Variants in IBSP observed in about 807,000 individuals in gnomAD.
IBSP encodes integrin-binding sialoprotein.
A neutral mutation model predicts 25.5 loss-of-function variants in IBSP; 19 were observed. The ratio of observed to expected loss-of-function variants is 0.74; its 90% CI spans 0.52 to 1.09. The LOEUF (loss-of-function observed/expected upper bound fraction) is 1.09. Among genes scored for constraint, IBSP ranks in the 50% least tolerant of loss-of-function variants. The pLI, the probability that IBSP is intolerant of heterozygous loss-of-function variation, is 0.00. For synonymous variants in IBSP, 144 were observed against 137.6 expected (o/e 1.05, Z -0.33); for missense variants, 360 against 382.3 (o/e 0.94, Z 0.49).
At position 87,811,852 on chromosome 4, in the gene IBSP, A is replaced by G. The variant is rs932059905; in HGVS notation, c.896A>G (p.Tyr299Cys). Reference sequence around the variant, plus strand: ...CGAGCCTATGAAGATGAGTACAGCTACTTTAAAGGACAAGGCTACGATGGC... The same window carrying G: ...CGAGCCTATGAAGATGAGTACAGCTGCTTTAAAGGACAAGGCTACGATGGC... ...NYRAYEDEYS[Y>C]FKGQGYDGYD... is the part of the protein sequence containing the mutation. The change falls in exon 7 of 7, where the codon TAC becomes TGC. Residue 299 changes from tyrosine to cysteine, a missense_variant. By Grantham distance (194) the Tyr-to-Cys change is radical. Transcript: ENST00000226284. 1.3e-6 allele frequency: 2 copies of G among 1,582,462 alleles called. No individual in the cohort carries two copies. Among genetic ancestry groups the G allele is most frequent in the East Asian group, 2.2e-5 (1 of 44,638 alleles).
intron 4 of IBSP, among the ~76,000 whole-genome samples, chr4:87,804,194 T>A (rs1019074732): frequency 1.3e-5 from 2 of 152,194 alleles, no homozygotes; most frequent in Non-Finnish European, 2.9e-5. Context: ...TCCTACTGTC[T>A]GACCTAGTAT....
At chr4:87,802,633 T>A in intron 3 of IBSP, 21 bp from the exon 4 acceptor site, 2 of 1,566,638 alleles carry the variant, frequency 1.3e-6, no homozygotes, top group Non-Finnish European at 1.7e-6. Flanking sequence ...CATGAATATA[T>A]CATTTATTTT....
At chr4:87,803,472 G>A (rs186980147) in intron 4 of IBSP, among the ~76,000 whole-genome samples, 5 of 152,264 alleles carry the variant, frequency 3.3e-5, no homozygotes, top group Admixed American at 1.3e-4. Flanking sequence ...AGGGTGTGGT[G>A]TTGATTTTAA....
intron 4 of IBSP, 88 bp from the exon 5 acceptor site, chr4:87,806,034 T>C: frequency 3.1e-6 from 3 of 982,280 alleles, no homozygotes; most frequent in Admixed American, 4.2e-5. Flanking sequence ...GTGTATTTTA[T>C]TGTGATTCAA....
chr4:87,804,597 T>C (rs1392373124), intron 4 of IBSP, among the ~76,000 whole-genome samples: 1 of 152,180 alleles, frequency 6.6e-6, no homozygotes, highest in Non-Finnish European at 1.5e-5. Context: ...ATCTCAGCTA[T>C]GACAAGAGTT....
At chr4:87,803,308 G>A (rs1415676624) in intron 4 of IBSP, among the ~76,000 whole-genome samples, 1 of 152,004 alleles carries the variant, frequency 6.6e-6, no homozygotes, top group African/African-American at 2.4e-5. Flanking sequence ...TAAAACTGCA[G>A]AGGAAAAAGA....
At chr4:87,801,000 G>A (rs1722005477) in intron 1 of IBSP, among the ~76,000 whole-genome samples, 1 of 152,086 alleles carries the variant, frequency 6.6e-6, no homozygotes, top group Non-Finnish European at 1.5e-5. Flanking sequence ...TTTCAGCTAA[G>A]CTTGCCCAAC....
rs1722167318 is a variant in IBSP, at chr4:87,811,365, G to A, written c.409G>A (p.Gly137Arg). 3.7e-6 allele frequency: 6 copies of A among 1,603,196 alleles called. No homozygotes were observed. In the East Asian group the frequency reaches 1.3e-4, roughly 36 times the overall value. The change falls in exon 7 of 7, where the codon GGG becomes AGG. Residue 137 changes from glycine to arginine, a missense_variant. Gly to Arg is a moderately radical substitution (Grantham distance 125). Transcript: ENST00000226284. Reference sequence around the variant, plus strand: ...TCTTTCAAACGTTTCCTTACAGGCTGGGGATATAACAAATAAAGCTACAAA... The same window carrying A: ...TCTTTCAAACGTTTCCTTACAGGCTAGGGATATAACAAATAAAGCTACAAA... ...LAAIQLPKKA[G>R]DITNKATKEK... is the part of the protein sequence containing the mutation.
intron 4 of IBSP, 55 bp from the exon 5 acceptor site, chr4:87,806,067 G>A: frequency 1.5e-6 from 2 of 1,313,698 alleles, no homozygotes; most frequent in South Asian, 1.2e-5. Flanking sequence ...TTAAATTGCT[G>A]TTGAATATAT....
Position 87,811,849 on chromosome 4 carries a change from G to A in IBSP, c.893G>A (p.Ser298Asn). 6.3e-7 allele frequency: 1 copy of A among 1,588,642 alleles called. No individual in the cohort carries two copies. Among genetic ancestry groups the A allele is most frequent in the Non-Finnish European group, 8.6e-7 (1 of 1,167,648 alleles). ...TACCGAGCCTATGAAGATGAGTACA[G>A]CTACTTTAAAGGACAAGGCTACGAT... is the stretch of plus-strand genomic sequence containing the variant. ...DNYRAYEDEY[S>N]YFKGQGYDGY... Residue 298 changes from serine (S) to asparagine (N), a missense_variant, in exon 7 of 7, where the codon AGC (serine) becomes AAC (asparagine). Transcript: ENST00000226284.
Position 87,802,574 on chromosome 4 carries a change from A to G in IBSP, c.105+16A>G, listed in dbSNP as rs1325410029. The G allele has an allele frequency of 6.3e-7, 1 of 1,599,166 alleles. No homozygotes were observed. The highest frequency in any genetic ancestry group is 1.8e-5 in the Admixed American group (1 of 57,100). On this transcript the variant is annotated intron_variant, in intron 3 of 6. Transcript: ENST00000226284. ...AGAAAATGGGGTAATTAATTTTAGCATACTTCCTTGGCCTGATTATACTTG... is the reference window on the plus strand; with the variant it reads ...AGAAAATGGGGTAATTAATTTTAGCGTACTTCCTTGGCCTGATTATACTTG...
chr4:87,810,237 AAAAC>A (rs1722151955), intron 5 of IBSP, among the ~76,000 whole-genome samples: 1 of 152,086 alleles, frequency 6.6e-6, no homozygotes, highest in Non-Finnish European at 1.5e-5. Flanking sequence ...AAACAAAACA[AAAAC>A]AAAAAACCTT....
In IBSP at chr4:87,811,872, G is replaced by A. The variant is rs369608687; in HGVS notation, c.916G>A (p.Asp306Asn). Residue 306 changes from aspartate (D) to asparagine (N), a missense_variant, in exon 7 of 7, where the codon GAT (aspartate) becomes AAT (asparagine). Transcript: ENST00000226284. The stretch of plus-strand genomic sequence containing the variant: ...CAGCTACTTTAAAGGACAAGGCTAC[G>A]ATGGCTATGATGGTCAGAATTACTA... The part of the protein sequence containing the change: ...EYSYFKGQGY[D>N]GYDGQNYYHH... 66 of 1,543,118 alleles carry A rather than the reference G, an allele frequency of 4.3e-5. No homozygotes were observed. Among genetic ancestry groups the A allele is most frequent in the African/African-American group, 1.9e-4 (14 of 72,708 alleles).
At chr4:87,809,814 T>C (rs574014927) in intron 5 of IBSP, among the ~76,000 whole-genome samples, 2 of 152,306 alleles carry the variant, frequency 1.3e-5, no homozygotes, top group South Asian at 4.1e-4. Context: ...TTATATTAGC[T>C]ACAAATTACA....
intron 1 of IBSP, among the ~76,000 whole-genome samples, chr4:87,801,975 T>G (rs1312652320): frequency 6.6e-6 from 1 of 152,150 alleles, no homozygotes; most frequent in Non-Finnish European, 1.5e-5. Flanking sequence ...GGCACACAAC[T>G]ACACTAACAA....
chr4:87,800,938 G>A (rs560786509), intron 1 of IBSP, among the ~76,000 whole-genome samples: 39 of 152,262 alleles, frequency 2.6e-4, no homozygotes, highest in African/African-American at 8.9e-4. Context: ...GTATGAGAAG[G>A]TGCTAACAGT....
At chr4:87,805,504 T>C (rs1455469779) in intron 4 of IBSP, among the ~76,000 whole-genome samples, 2 of 152,220 alleles carry the variant, frequency 1.3e-5, no homozygotes, top group Non-Finnish European at 2.9e-5. Flanking sequence ...AATTTAAAGA[T>C]ACTAAAAATT....
Position 87,811,766 on chromosome 4 carries a change from A to G in IBSP, c.810A>G (p.Glu270=), listed in dbSNP as rs1054629. The change falls in exon 7 of 7, where the codon GAA becomes GAG. Residue 270 remains glutamate, a synonymous_variant. Coordinates refer to ENST00000226284, the MANE Select transcript of IBSP (RefSeq NM_004967.4). ...AGTACGAATACACGGGCGCCAATGA[A>G]TACGACAATGGATATGAAATCTATG... ...EGEYEYTGAN[E]YDNGYEIYES... 4.3e-6 allele frequency: 7 copies of G among 1,613,604 alleles called. No homozygotes were observed. The Admixed American group carries it at 1.2e-4, about 27-fold the overall frequency.
At chr4:87,802,810 C>A in intron 4 of IBSP, 79 bp downstream of exon 4, 1 of 850,530 alleles carries the variant, frequency 1.2e-6, no homozygotes, top group Non-Finnish European at 1.7e-6. Flanking sequence ...TATAAAACAC[C>A]TAAATTCAAC....
Sources: gnomAD v4.1 joint callset for allele counts (sites outside exome capture counted in the v4.1 genomes callset) on GRCh38, gnomAD v4.1.1 for gene constraint, MANE v1.5 for transcripts, NCBI Gene and HGNC (gene_info 2026-07-23, HGNC 2026-07-21) for gene names.